The following ATG5 variants were observed in gnomAD, a reference collection of about 807,000 sequenced individuals.
ATG5 encodes the protein autophagy protein 5.
A neutral mutation model predicts 36.5 loss-of-function variants in ATG5; 14 were observed. That is an observed-to-expected ratio of 0.38 (90% confidence interval 0.25 to 0.60). The LOEUF (loss-of-function observed/expected upper bound fraction) is 0.60, where lower values mean the gene tolerates loss of function less well. Ranked by LOEUF, ATG5 falls within the 20% of genes least tolerant of loss-of-function variation. The probability of loss-of-function intolerance (pLI) is 0.60; values close to 1 mark genes in which losing one functional copy is unlikely to be tolerated. For synonymous variants in ATG5, 95 were observed against 101.5 expected, an observed-to-expected ratio of 0.94 and a Z score of 0.38; for missense variants, 195 against 326.7, an observed-to-expected ratio of 0.60 and a Z score of 3.11.
intron 3 of ATG5, among the ~76,000 whole-genome samples, chr6:106,300,330 CAGA>C (rs1164984468): frequency 6.6e-6 from 1 of 152,054 alleles, no homozygotes; most frequent in Admixed American, 6.5e-5. Flanking sequence ...GGAAATAAGA[CAGA>C]AGAATCTGTT....
At chr6:106,252,513 T>A (rs1778632549) in intron 5 of ATG5, among the ~76,000 whole-genome samples, 1 of 152,132 alleles carries the variant, frequency 6.6e-6, no homozygotes, top group Non-Finnish European at 1.5e-5. Context: ...CTAAAATGCA[T>A]AAGATACCAA....
chr6:106,226,986 A>G (rs1777475816), intron 6 of ATG5, among the ~76,000 whole-genome samples: 1 of 152,172 alleles, frequency 6.6e-6, no homozygotes, highest in African/African-American at 2.4e-5. Context: ...GCATACCAAT[A>G]TACATATAAT....
chr6:106,285,918 C>G (rs187680470), intron 4 of ATG5, among the ~76,000 whole-genome samples: 92 of 152,306 alleles, frequency 6.0e-4, no homozygotes, highest in African/African-American at 2.1e-3. Flanking sequence ...ATGTATGATC[C>G]TTACTCCAAA....
intron 7 of ATG5, among the ~76,000 whole-genome samples, 200 bp from the exon 8 acceptor site, chr6:106,186,876 T>G (rs1383181845): frequency 1.3e-5 from 2 of 152,200 alleles, no homozygotes; most frequent in African/African-American, 4.8e-5. Context: ...TTACAATATA[T>G]TCTGATAAAA....
chr6:106,194,541 TTTTC>T (rs921919813), intron 7 of ATG5, among the ~76,000 whole-genome samples: 16 of 148,800 alleles, frequency 1.1e-4, no homozygotes, highest in African/African-American at 3.6e-4. Context: ...TTCTTTTTCT[TTTTC>T]TTTTTTTTTT....
intron 7 of ATG5, among the ~76,000 whole-genome samples, chr6:106,200,234 AC>A (rs916515704): frequency 1.3e-5 from 2 of 152,086 alleles, no homozygotes; most frequent in South Asian, 2.1e-4. Flanking sequence ...TTACCACCAA[AC>A]CCACTGTTCC....
At position 106,292,990 on chromosome 6, in the gene ATG5, T is replaced by C. The variant is rs771253921; in HGVS notation, c.315+38A>G. ...CTACTCGAAGTCTATTTATTATGTA[T>C]CACAAATGGGACGAAGGAGAAATGC... On this transcript the variant is annotated intron_variant, in intron 4 of 7. Transcript: ENST00000369076. 10 of 1,522,650 alleles carry C rather than the reference T, an allele frequency of 6.6e-6. No homozygotes were observed. The South Asian group carries it at 9.3e-5, about 14-fold the overall frequency. 94.3% of individuals were successfully genotyped at this position (1,522,650 alleles called of 1,614,324 possible).
chr6:106,298,530 G>A (rs1344953692), intron 3 of ATG5, among the ~76,000 whole-genome samples: 9 of 151,620 alleles, frequency 5.9e-5, no homozygotes, highest in African/African-American at 9.7e-5. Context: ...CAGCCTGGGC[G>A]ACAGAGGGAG....
rs72252671 is a variant in ATG5 at position 106,246,392 on chromosome 6, T to TCACACA, written c.573+1752_573+1757dup. Among the ~76,000 whole-genome samples the TCACACA allele has an allele frequency of 7.5e-3, 975 of 129,620 alleles. 8 individuals carry two copies. Among genetic ancestry groups the TCACACA allele is most frequent in the African/African-American group, 0.026 (891 of 34,444 alleles). 85.0% of individuals were successfully genotyped at this position (129,620 alleles called of 152,430 possible). A position where few individuals can be genotyped will look rare whatever the true frequency, so the allele number is the denominator to read the frequency against. On this transcript the variant is annotated intron_variant, in intron 6 of 7. Transcript: ENST00000369076. Reference sequence around the variant, plus strand: ...CTCTGTCTCTCTCTCTCTCTCTCTCTCACACACACACACACACACACACAC... The same window carrying TCACACA: ...CTCTGTCTCTCTCTCTCTCTCTCTCTCACACACACACACACACACACACACACACAC...
chr6:106,303,406 A>C (rs1770293880), intron 3 of ATG5, among the ~76,000 whole-genome samples: 1 of 152,108 alleles, frequency 6.6e-6, no homozygotes, highest in Non-Finnish European at 1.5e-5. Flanking sequence ...ATATCAAAGA[A>C]ATTGAATTGG....
At chr6:106,268,656 G>GA (rs1779318488) in intron 5 of ATG5, among the ~76,000 whole-genome samples, 1 of 152,168 alleles carries the variant, frequency 6.6e-6, no homozygotes, top group Non-Finnish European at 1.5e-5. Context: ...ACTGGATAGA[G>GA]AAAATGTGTC....
At chr6:106,202,242 A>T in intron 6 of ATG5, 153 bp from the exon 7 acceptor site, 1 of 521,394 alleles carries the variant, frequency 1.9e-6, no homozygotes, top group South Asian at 3.1e-5. Context: ...ATCACTGTGA[A>T]AAATGTTTAA....
chr6:106,323,421 C>T (rs1004243436), intron 1 of ATG5, among the ~76,000 whole-genome samples: 2 of 151,722 alleles, frequency 1.3e-5, no homozygotes, highest in African/African-American at 4.8e-5. Context: ...ACTACAGGCT[C>T]ATGCCACTAT....
chr6:106,260,875 A>T (rs1458178199), intron 5 of ATG5, among the ~76,000 whole-genome samples: 3 of 152,236 alleles, frequency 2.0e-5, no homozygotes, highest in African/African-American at 7.2e-5. Context: ...TGGTCTATAC[A>T]GGCCAAGTTC....
intron 6 of ATG5, among the ~76,000 whole-genome samples, chr6:106,208,905 G>A (rs1776746112): frequency 6.6e-6 from 1 of 152,080 alleles, no homozygotes. Flanking sequence ...ATATATAGGT[G>A]GCAAATAAGC....
rs532738004 is a variant in ATG5 at position 106,317,570 on chromosome 6, TGGTTATTAAACTGA to T, written c.-58-1318_-58-1305del. 9.0e-3 allele frequency among the ~76,000 whole-genome samples: 1,367 copies of T among 152,352 alleles called. 12 individuals carry two copies. Among genetic ancestry groups the T allele is most frequent in the Non-Finnish European group, 0.015 (991 of 68,036 alleles). ...TAAAAGTACTAGGCAACAAGAATTC[TGGTTATTAAACTGA>T]GTCCAGTGCTCTTTCCAGCATACTA... On this transcript the variant is annotated intron_variant, in intron 1 of 7. Transcript: ENST00000369076.
intron 2 of ATG5, among the ~76,000 whole-genome samples, chr6:106,314,486 G>A (rs1210629058): frequency 6.6e-6 from 1 of 152,172 alleles, no homozygotes; most frequent in South Asian, 2.1e-4. Context: ...GAACCCAGGA[G>A]AGGGAGGTTG....
At chr6:106,310,043 T>G (rs1014233667) in intron 2 of ATG5, among the ~76,000 whole-genome samples, 1 of 152,134 alleles carries the variant, frequency 6.6e-6, no homozygotes, top group Non-Finnish European at 1.5e-5. Context: ...CAAATGATTT[T>G]TATGAAATAA....
chr6:106,280,286 A>G (rs1779828829), intron 4 of ATG5, among the ~76,000 whole-genome samples: 1 of 151,750 alleles, frequency 6.6e-6, no homozygotes. Context: ...AAAAAAAAAA[A>G]AAAAGAAAGA....
Sources: allele counts gnomAD v4.1 joint callset (sites outside exome capture counted in the v4.1 genomes callset), GRCh38; gene constraint gnomAD v4.1.1; transcripts MANE v1.5; gene names NCBI Gene and HGNC (gene_info 2026-07-23, HGNC 2026-07-21).